Variants in PCDHGA7 observed in about 807,000 individuals in gnomAD.
The protein encoded by PCDHGA7 is protocadherin gamma-A7.
In PCDHGA7, 44 loss-of-function variants were observed where a neutral mutation model predicts 58.3. The ratio of observed to expected loss-of-function variants is 0.75; its 90% CI spans 0.59 to 0.97. PCDHGA7 has a LOEUF of 0.97. PCDHGA7 is among the 50% of genes least tolerant of loss of function. The probability of loss-of-function intolerance (pLI) is 0.00; values close to 1 mark genes in which losing one functional copy is unlikely to be tolerated. For synonymous variants in PCDHGA7, 516 were observed against 504.2 expected (o/e 1.02, Z -0.31); for missense variants, 1,266 against 1,188.7 (o/e 1.06, Z -0.96).
In PCDHGA7 at chr5:141,511,364, T is replaced by C. The variant is rs115159796; in HGVS notation, c.*191T>C. The C allele has an allele frequency of 4.6e-4, 610 of 1,317,098 alleles. 5 individuals are homozygous for C. In the African/African-American group the frequency reaches 7.1e-3, roughly 15 times the overall value. The allele number at this position is 1,317,098 out of a possible 1,614,324, so 81.6% of individuals were successfully genotyped here. On this transcript the variant is annotated 3_prime_UTR_variant, in exon 4 of 4. Coordinates refer to ENST00000518325, the MANE Select transcript of PCDHGA7 (RefSeq NM_018920.4). ...ACCCCTTCCCCCCCAGGGGGTTGAA[T>C]ATGCAAAAGCAGTTCCGCTGGGAAC...
chr5:141,503,164 C>G (rs1262310388), intron 2 of PCDHGA7, among the ~76,000 whole-genome samples: 2 of 152,068 alleles, frequency 1.3e-5, no homozygotes, highest in East Asian at 3.9e-4. Flanking sequence ...ATCACAATTG[C>G]AATTACTCTA....
chr5:141,395,129 G>C (rs2093179899), intron 1 of PCDHGA7: 1 of 1,614,182 alleles, frequency 6.2e-7, no homozygotes, highest in African/African-American at 1.3e-5. Context: ...TCTTTCCCCA[G>C]CCCAACTACG....
chr5:141,399,597 C>T, intron 1 of PCDHGA7: 1 of 1,613,958 alleles, frequency 6.2e-7, no homozygotes, highest in Non-Finnish European at 8.5e-7. Flanking sequence ...TCATGGCCAG[C>T]GACCTAGAGC....
At position 141,432,950 on chromosome 5, in the gene PCDHGA7, G is replaced by A. The variant is rs750033444; in HGVS notation, c.2424+47627G>A. 9.9e-6 allele frequency: 16 copies of A among 1,614,190 alleles called. No individual in the cohort carries two copies. The highest frequency in any genetic ancestry group is 1.3e-5 in the African/African-American group (1 of 75,060). ...ACGCCTGCTGCAGGCTTCAGGAGGC[G>A]GCTTGACAGGAGCGCCGGCGTCGCA... is the stretch of plus-strand genomic sequence containing the variant. On this transcript the variant is annotated intron_variant, in intron 1 of 3. Coordinates refer to ENST00000518325, the MANE Select transcript of PCDHGA7 (RefSeq NM_018920.4). This position sits in a 1 kb window ranked among gnomAD's most constrained non-coding sequence, Gnocchi z 6.0.
At chr5:141,413,588 A>C in intron 1 of PCDHGA7, 1 of 1,613,922 alleles carries the variant, frequency 6.2e-7, no homozygotes, top group South Asian at 1.1e-5. Flanking sequence ...CCAAAATTCC[A>C]AGCAGAAAAT....
rs1446853595 is a variant in PCDHGA7, at chr5:141,491,363, C to T, written c.2425-3444C>T. ...ACCGTCAGTCTCTTATCCCTAGTCA[C>T]CTTCACCTTTCTGTCAGCGAAGTGC... On this transcript the variant is annotated intron_variant, in intron 1 of 3. Coordinates refer to ENST00000518325, the MANE Select transcript of PCDHGA7 (RefSeq NM_018920.4). This position sits in a 1 kb window ranked among gnomAD's most constrained non-coding sequence, Gnocchi z 6.9. The T allele has an allele frequency of 6.2e-7, 1 of 1,614,182 alleles. No individual in the cohort carries two copies. Among genetic ancestry groups the T allele is most frequent in the South Asian group, 1.1e-5 (1 of 91,082 alleles).
chr5:141,441,825 C>A, intron 1 of PCDHGA7: 1 of 357,252 alleles, frequency 2.8e-6, no homozygotes, highest in Non-Finnish European at 5.5e-6. Flanking sequence ...CTCTGGAGCG[C>A]AATGGCTTCG....
chr5:141,395,157 C>T (rs1217678334), intron 1 of PCDHGA7: 4 of 1,614,174 alleles, frequency 2.5e-6, no homozygotes, highest in Admixed American at 1.7e-5. Context: ...GCTCATCAGT[C>T]AGGAGGGCTG....
Position 141,476,901 on chromosome 5 carries a change from G to A in PCDHGA7, c.2425-17906G>A, listed in dbSNP as rs1466086788. The A allele has an allele frequency of 1.9e-6, 3 of 1,613,782 alleles. No individual in the cohort carries two copies. The African/African-American group carries it at 4.0e-5, about 22-fold the overall frequency. On this transcript the variant is annotated intron_variant, in intron 1 of 3. Coordinates refer to ENST00000518325, the MANE Select transcript of PCDHGA7 (RefSeq NM_018920.4). The surrounding 1 kb of genome is among the most constrained non-coding windows in gnomAD (Gnocchi z 7.6). ...CTGGAGGATGCACCCTCCGGCACGC[G>A]CGTGGTACAAGTCCTTGCAACGGAT...
chr5:141,506,262 A>G (rs1395369571), intron 3 of PCDHGA7, among the ~76,000 whole-genome samples: 1 of 152,046 alleles, frequency 6.6e-6, no homozygotes, highest in Admixed American at 6.6e-5. Context: ...CGGCCTGGCC[A>G]ACATAGTGAA....
At position 141,431,595 on chromosome 5, in the gene PCDHGA7, A is replaced by G; in HGVS notation, c.2424+46272A>G. The G allele has an allele frequency of 6.2e-7, 1 of 1,614,218 alleles. No homozygotes were observed. The highest frequency in any genetic ancestry group is 8.5e-7 in the Non-Finnish European group (1 of 1,180,034). On this transcript the variant is annotated intron_variant, in intron 1 of 3. Transcript: ENST00000518325. The surrounding 1 kb of genome is among the most constrained non-coding windows in gnomAD (Gnocchi z 4.8). Reference sequence around the variant, plus strand: ...GAAGGAGTCAATGCGGAAGTGAGGTATTCCTTCCGGTATGTGGACGACAAG... The same window carrying G: ...GAAGGAGTCAATGCGGAAGTGAGGTGTTCCTTCCGGTATGTGGACGACAAG...
chr5:141,439,211 A>G (rs1438403213), intron 1 of PCDHGA7, among the ~76,000 whole-genome samples: 1 of 151,666 alleles, frequency 6.6e-6, no homozygotes, highest in Non-Finnish European at 1.5e-5. Flanking sequence ...AAAAATCCAT[A>G]TGTGAAAATT....
intron 1 of PCDHGA7, among the ~76,000 whole-genome samples, chr5:141,492,337 C>T (rs559700346): frequency 1.0e-3 from 158 of 152,324 alleles, no homozygotes; most frequent in African/African-American, 3.7e-3. Flanking sequence ...TACGCGAATA[C>T]CAGCTTTCAC....
chr5:141,459,557 A>G (rs1052669136), intron 1 of PCDHGA7, among the ~76,000 whole-genome samples: 1 of 152,224 alleles, frequency 6.6e-6, no homozygotes, highest in East Asian at 1.9e-4. Context: ...TCTTGGATAA[A>G]TACCCCAAAA....
At chr5:141,481,638 T>G (rs1465682432) in intron 1 of PCDHGA7, among the ~76,000 whole-genome samples, 1 of 152,014 alleles carries the variant, frequency 6.6e-6, no homozygotes, top group Admixed American at 6.6e-5. Context: ...GCCAACATGG[T>G]GAAACTTCAT....
In PCDHGA7 at chr5:141,431,469, A is replaced by G; in HGVS notation, c.2424+46146A>G. 1.9e-6 allele frequency: 3 copies of G among 1,613,824 alleles called. No individual in the cohort carries two copies. Among genetic ancestry groups the G allele is most frequent in the Non-Finnish European group, 2.5e-6 (3 of 1,179,968 alleles). ...CGCGTGATGGTTCTGGATGCGAACG[A>G]CAACGCACCAGCGTTTGCTCAGCCC... is the stretch of plus-strand genomic sequence containing the variant. On this transcript the variant is annotated intron_variant, in intron 1 of 3. Coordinates refer to ENST00000518325, the MANE Select transcript of PCDHGA7 (RefSeq NM_018920.4). This position sits in a 1 kb window ranked among gnomAD's most constrained non-coding sequence, Gnocchi z 4.8.
At chr5:141,392,654 A>G (rs2092571814) in intron 1 of PCDHGA7, 1 of 734,690 alleles carries the variant, frequency 1.4e-6, no homozygotes, top group Admixed American at 3.4e-5. Flanking sequence ...AGACCCGCAG[A>G]TGCCACAAAC....
In PCDHGA7 at chr5:141,491,841, A is replaced by T. The variant is rs995010359; in HGVS notation, c.2425-2966A>T. The T allele has an allele frequency of 1.4e-6, 2 of 1,465,172 alleles. No homozygotes were observed. The highest frequency in any genetic ancestry group is 1.4e-5 in the African/African-American group (1 of 69,948). 90.8% of individuals were successfully genotyped at this position (1,465,172 alleles called of 1,614,324 possible). ...TGCGCTCCACCCGATTCTCGGGATC[A>T]TTGGACCGTTTGCGCGAAACCAGAG... is the stretch of plus-strand genomic sequence containing the variant. On this transcript the variant is annotated intron_variant, in intron 1 of 3. Transcript: ENST00000518325. The surrounding 1 kb of genome is among the most constrained non-coding windows in gnomAD (Gnocchi z 6.9).
At chr5:141,429,657 A>G (rs1455808092) in intron 1 of PCDHGA7, among the ~76,000 whole-genome samples, 1 of 152,232 alleles carries the variant, frequency 6.6e-6, no homozygotes, top group African/African-American at 2.4e-5. Flanking sequence ...TTCCCAATTT[A>G]AAATATATTA....
Sources: gnomAD v4.1 joint callset for allele counts (sites outside exome capture counted in the v4.1 genomes callset) on GRCh38, gnomAD v4.1.1 for gene constraint, Gnocchi (gnomAD v3.1) non-coding constraint, MANE v1.5 for transcripts, NCBI Gene and HGNC (gene_info 2026-07-23, HGNC 2026-07-21) for gene names.